The following MGAM2 variants were observed in gnomAD, a reference collection of about 807,000 sequenced individuals.
MGAM2 encodes the protein maltase-glucoamylase 2 (putative).
MGAM2 carries 98 observed loss-of-function variants against 96.1 expected under a neutral mutation model. That is an observed-to-expected ratio of 1.02 (90% CI 0.87 to 1.21). MGAM2 has a LOEUF of 1.21. Ranked by LOEUF, MGAM2 falls within the 50% of genes most tolerant of loss-of-function variation. The pLI, the probability that MGAM2 is intolerant of heterozygous loss-of-function variation, is 0.00. For missense variants in MGAM2, 2,055 were observed against 1,182.4 expected, an observed-to-expected ratio of 1.74 and a Z score of -10.82; for synonymous variants, 749 against 414.8, an observed-to-expected ratio of 1.81 and a Z score of -9.79.
intron 45 of MGAM2, among the ~76,000 whole-genome samples, chr7:142,207,709 G>A (rs1051509004): frequency 6.6e-6 from 1 of 152,070 alleles, no homozygotes; most frequent in Non-Finnish European, 1.5e-5. Context: ...GATTACAGTC[G>A]TGAGCCACCG....
intron 17 of MGAM2, 129 bp from the exon 18 acceptor site, chr7:142,157,808 G>A: frequency 1.6e-6 from 1 of 622,018 alleles, no homozygotes; most frequent in South Asian, 1.9e-5. Flanking sequence ...TATCTTTTCA[G>A]TTCTAGAAAT....
chr7:142,180,825 T>C (rs1287789947), intron 32 of MGAM2, among the ~76,000 whole-genome samples: 1 of 152,218 alleles, frequency 6.6e-6, no homozygotes, highest in Non-Finnish European at 1.5e-5. Context: ...GCTTGGTCTA[T>C]TCTGTTGTTA....
At chr7:142,154,563 A>G (rs920516055) in intron 16 of MGAM2, among the ~76,000 whole-genome samples, 166 bp from the exon 17 acceptor site, 3 of 152,234 alleles carry the variant, frequency 2.0e-5, no homozygotes, top group Non-Finnish European at 4.4e-5. Context: ...GATGGATTCT[A>G]TCTTGTTTCT....
Position 142,140,896 on chromosome 7 carries a change from A to G in MGAM2, c.1181A>G (p.Glu394Gly). ...TCTGGTCTCCCAGATTTTGTCAAGGAGTTACATGACAATGGACAGAAATAT... is the reference window on the plus strand; with the variant it reads ...TCTGGTCTCCCAGATTTTGTCAAGGGGTTACATGACAATGGACAGAAATAT... ...AYSGLPDFVK[E>G]LHDNGQKYLI... The change falls in exon 11 of 48, where the codon GAG (glutamate) becomes GGG (glycine). Residue 394 changes from glutamate to glycine, a missense_variant. Transcript: ENST00000477922. 1 of 702,966 alleles carries G rather than the reference A, an allele frequency of 1.4e-6. No individual in the cohort carries two copies. Among genetic ancestry groups the G allele is most frequent in the Middle Eastern group, 2.3e-4 (1 of 4,370 alleles). 43.5% of individuals were successfully genotyped at this position (702,966 alleles called of 1,614,324 possible).
chr7:142,114,160 A>G (rs1420984870), intron 1 of MGAM2, among the ~76,000 whole-genome samples: 7 of 94,956 alleles, frequency 7.4e-5, no homozygotes, highest in African/African-American at 4.8e-4. Flanking sequence ...GAAGGAAAGA[A>G]AGAAAGAAAG....
chr7:142,140,671 C>G (rs1055637609), intron 10 of MGAM2, 131 bp from the exon 11 acceptor site: 2 of 559,518 alleles, frequency 3.6e-6, no homozygotes, highest in African/African-American at 3.8e-5. Flanking sequence ...TAAGAAGTAG[C>G]CAAGCCCTGG....
chr7:142,116,196 C>G (rs6951223), intron 1 of MGAM2, among the ~76,000 whole-genome samples: 74,342 of 151,954 alleles, frequency 0.49, 20,507 homozygotes, highest in African/African-American at 0.76. Context: ...AAGAATTCAA[C>G]CCCTTTGATT....
intron 44 of MGAM2, 47 bp from the exon 45 acceptor site, chr7:142,199,831 TAC>T (rs1797163950): frequency 1.5e-6 from 1 of 653,074 alleles, no homozygotes; most frequent in Non-Finnish European, 2.7e-6. Context: ...TCTTTATTCT[TAC>T]AACCTACAAT....
intron 46 of MGAM2, among the ~76,000 whole-genome samples, chr7:142,215,948 A>G (rs1400016850): frequency 6.6e-6 from 1 of 152,158 alleles, no homozygotes; most frequent in Admixed American, 6.5e-5. Context: ...TATTTCTATA[A>G]GATGGCATAG....
chr7:142,154,633 G>T, intron 16 of MGAM2, 96 bp from the exon 17 acceptor site: 1 of 657,262 alleles, frequency 1.5e-6, no homozygotes, highest in South Asian at 1.7e-5. Context: ...GGGATGATGT[G>T]ACAAAGAGGT....
At chr7:142,114,623 A>C (rs1817323738) in intron 1 of MGAM2, among the ~76,000 whole-genome samples, 1 of 152,244 alleles carries the variant, frequency 6.6e-6, no homozygotes, top group Admixed American at 6.5e-5. Context: ...AATGCAAGAC[A>C]ATAAGAGATA....
chr7:142,202,390 G>A (rs2129102299), intron 45 of MGAM2, among the ~76,000 whole-genome samples: 1 of 152,260 alleles, frequency 6.6e-6, no homozygotes, highest in Non-Finnish European at 1.5e-5. Flanking sequence ...ATGATGCTGA[G>A]GTTTGGGGTA....
chr7:142,175,528 G>A lies in MGAM2; in HGVS notation c.3688-124G>A, dbSNP rs1796346374. On this transcript the variant is annotated intron_variant, in intron 31 of 47. Transcript: ENST00000477922. The stretch of plus-strand genomic sequence containing the variant: ...TCAGCAGAGGGAAGTAATGAGATGA[G>A]GAATGAAGAGGGGCCTGGAATGGGG... 4.9e-6 allele frequency: 3 copies of A among 610,840 alleles called. No homozygotes were observed. In the East Asian group the frequency reaches 8.3e-5, roughly 17 times the overall value. The allele number at this position is 610,840 out of a possible 1,614,324, so 37.8% of individuals were successfully genotyped here.
chr7:142,188,324 A>C (rs75300957), intron 36 of MGAM2, among the ~76,000 whole-genome samples: 7,968 of 152,182 alleles, frequency 0.052, 603 homozygotes, highest in East Asian at 0.16. Flanking sequence ...TGTTGCAGAG[A>C]AACAAGGAAG....
intron 27 of MGAM2, 158 bp from the exon 28 acceptor site, chr7:142,171,114 G>A: frequency 4.4e-6 from 3 of 674,740 alleles, no homozygotes; most frequent in Non-Finnish European, 5.4e-6. Flanking sequence ...CCTGAGTCAG[G>A]GCCATTGTTA....
chr7:142,208,506 C>T, intron 45 of MGAM2, 67 bp from the exon 46 acceptor site: 1 of 695,834 alleles, frequency 1.4e-6, no homozygotes, highest in South Asian at 1.5e-5. Flanking sequence ...TCTGACCACG[C>T]TCAAGATTAT....
At chr7:142,129,198 C>T (rs895212833) in intron 3 of MGAM2, among the ~76,000 whole-genome samples, 2 of 152,170 alleles carry the variant, frequency 1.3e-5, no homozygotes, top group East Asian at 1.9e-4. Context: ...TCATTTTGAC[C>T]AATTTCTCCC....
intron 10 of MGAM2, among the ~76,000 whole-genome samples, chr7:142,139,711 G>A (rs1476826412): frequency 6.7e-6 from 1 of 149,432 alleles, no homozygotes; most frequent in Non-Finnish European, 1.5e-5. Flanking sequence ...AAGGAAGACT[G>A]AACATATGGA....
intron 43 of MGAM2, 117 bp downstream of exon 43, chr7:142,198,312 C>A (rs1197337836): frequency 4.8e-6 from 3 of 621,326 alleles, no homozygotes; most frequent in East Asian, 5.5e-5. Context: ...CCTTTTTAGC[C>A]TTGGCAAGGC....
Sources: allele counts gnomAD v4.1 joint callset (sites outside exome capture counted in the v4.1 genomes callset), GRCh38; gene constraint gnomAD v4.1.1; transcripts MANE v1.5; gene names NCBI Gene and HGNC (gene_info 2026-07-23, HGNC 2026-07-21).